The following SYT1 variants were observed in gnomAD, a reference collection of about 807,000 sequenced individuals.
SYT1 encodes synaptotagmin 1, also known as synaptotagmin-1.
Under a neutral mutation model 44.8 loss-of-function variants are expected in SYT1, and 8 were observed. The observed-to-expected ratio is 0.18, with a 90% CI of 0.10 to 0.32. The LOEUF is 0.32. SYT1 is among the 10% of genes least tolerant of loss of function. SYT1 has a pLI of 1.00. For missense variants in SYT1, 286 were observed against 509.3 expected, an observed-to-expected ratio of 0.56 and a Z score of 4.22; for synonymous variants, 154 against 188.8, an observed-to-expected ratio of 0.82 and a Z score of 1.51.
intron 3 of SYT1, among the ~76,000 whole-genome samples, chr12:79,110,425 G>A (rs561858510): frequency 6.6e-6 from 1 of 152,080 alleles, no homozygotes; most frequent in African/African-American, 2.4e-5. Context: ...GGGACTTTAT[G>A]GGGTTTTCAT....
intron 8 of SYT1, among the ~76,000 whole-genome samples, chr12:79,308,649 AAAG>A (rs1565901632): frequency 1.9e-3 from 265 of 135,990 alleles, no homozygotes; most frequent in South Asian, 2.9e-3. Flanking sequence ...AGAAAGAAAG[AAAG>A]AAAGAAAAGA....
intron 8 of SYT1, among the ~76,000 whole-genome samples, chr12:79,325,477 ATTTAT>A (rs1252080445): frequency 7.2e-5 from 11 of 152,356 alleles, no homozygotes; most frequent in African/African-American, 2.6e-4. Flanking sequence ...TATATAGAGA[ATTTAT>A]TTTAAGCTTT....
chr12:79,172,985 AAAAAAAAAAAAAAAAAAAAAAG>A (rs1871629083), intron 3 of SYT1, among the ~76,000 whole-genome samples: 1 of 139,792 alleles, frequency 7.2e-6, no homozygotes, highest in South Asian at 2.3e-4. Flanking sequence ...AAAAAAAAAA[AAAAAAAAAAAAAAAAAAAAAAG>A]GGAGTTTGGC....
intron 3 of SYT1, among the ~76,000 whole-genome samples, chr12:79,130,949 A>C (rs1013705394): frequency 4.6e-5 from 7 of 152,162 alleles, no homozygotes; most frequent in Non-Finnish European, 7.3e-5. Context: ...CCAGTTGAGC[A>C]TGAGACAGGG....
At chr12:79,299,277 C>G in intron 7 of SYT1, 107 bp from the exon 8 acceptor site, 1 of 1,248,696 alleles carries the variant, frequency 8.0e-7, no homozygotes. Flanking sequence ...AAATTATCTC[C>G]CTGTTCTGTT....
intron 9 of SYT1, among the ~76,000 whole-genome samples, chr12:79,418,925 AT>A (rs1220652280): frequency 6.6e-6 from 1 of 152,116 alleles, no homozygotes; most frequent in Admixed American, 6.6e-5. Flanking sequence ...AGAACAGCTA[AT>A]TCAGAATTTC....
intron 3 of SYT1, among the ~76,000 whole-genome samples, chr12:79,094,154 G>C (rs1161387811): frequency 1.3e-5 from 2 of 151,570 alleles, no homozygotes; most frequent in African/African-American, 4.8e-5. Flanking sequence ...ATTTAGTTTA[G>C]CAATACTTTA....
At position 79,394,261 on chromosome 12, in the gene SYT1, A is replaced by G. The variant is rs73354786; in HGVS notation, c.928+40642A>G. Among the ~76,000 whole-genome samples, 966 of 152,342 alleles carry G rather than the reference A, an allele frequency of 6.3e-3. 9 individuals are homozygous for G. Among genetic ancestry groups the G allele is most frequent in the African/African-American group, 0.022 (921 of 41,574 alleles). On this transcript the variant is annotated intron_variant, in intron 9 of 10. Coordinates refer to ENST00000261205, the MANE Select transcript of SYT1 (RefSeq NM_005639.3). ...TAGCCGGGTATTAACTTGAATTGCA[A>G]TGGACCAGCAGATATGAAAATGATT... is the stretch of plus-strand genomic sequence containing the variant.
At chr12:79,293,272 C>T (rs1226095512) in intron 6 of SYT1, among the ~76,000 whole-genome samples, 2 of 150,220 alleles carry the variant, frequency 1.3e-5, no homozygotes, top group Non-Finnish European at 1.5e-5. Context: ...TGCAGTGAGC[C>T]GAGATCGTGC....
chr12:79,200,251 G>A (rs961105529), intron 3 of SYT1, among the ~76,000 whole-genome samples: 1 of 152,122 alleles, frequency 6.6e-6, no homozygotes, highest in Non-Finnish European at 1.5e-5. Context: ...CAACCCAGAA[G>A]TGCTTGGAAG....
intron 3 of SYT1, among the ~76,000 whole-genome samples, chr12:79,103,232 A>G (rs1201379070): frequency 6.6e-6 from 1 of 152,204 alleles, no homozygotes; most frequent in African/African-American, 2.4e-5. Context: ...TGAATATTCA[A>G]ATAAGAAAAT....
chr12:79,410,200 A>C (rs1191461218), intron 9 of SYT1, among the ~76,000 whole-genome samples: 1 of 152,196 alleles, frequency 6.6e-6, no homozygotes, highest in African/African-American at 2.4e-5. Context: ...AAAAGAGAAT[A>C]ATAGGCTGAT....
intron 3 of SYT1, among the ~76,000 whole-genome samples, chr12:79,082,962 C>A (rs1877135902): frequency 6.7e-6 from 1 of 149,054 alleles, no homozygotes; most frequent in African/African-American, 2.5e-5. Context: ...ATAAAATAAG[C>A]AATAAAAGAA....
At chr12:78,930,012 G>T (rs150461820) in intron 1 of SYT1, among the ~76,000 whole-genome samples, 39 of 152,168 alleles carry the variant, frequency 2.6e-4, no homozygotes, top group African/African-American at 8.9e-4. Flanking sequence ...AGGACAGAGG[G>T]GAGGAAGAGT....
At chr12:78,978,301 G>A (rs953013097) in intron 2 of SYT1, among the ~76,000 whole-genome samples, 1 of 152,112 alleles carries the variant, frequency 6.6e-6, no homozygotes, top group Non-Finnish European at 1.5e-5. Context: ...AATATGCCAT[G>A]GCATCTGCCT....
intron 8 of SYT1, among the ~76,000 whole-genome samples, chr12:79,313,534 T>C (rs1267994856): frequency 6.6e-6 from 1 of 151,862 alleles, no homozygotes; most frequent in Admixed American, 6.6e-5. Context: ...TAACCTTAAA[T>C]TGCATTCTAT....
chr12:78,869,706 T>C (rs908060180), intron 1 of SYT1, among the ~76,000 whole-genome samples: 15 of 152,070 alleles, frequency 9.9e-5, no homozygotes, highest in African/African-American at 3.6e-4. Context: ...AAATGAATTT[T>C]CTAGCATGTC....
At chr12:79,224,755 TTATTA>T (rs1875402621) in intron 4 of SYT1, among the ~76,000 whole-genome samples, 2 of 6,194 alleles carry the variant, frequency 3.2e-4, no homozygotes, top group African/African-American at 4.2e-3. Context: ...TTATTTTTTA[TTATTA>T]TTATTATTAT....
chr12:79,122,968 AATG>A (rs1868303806), intron 3 of SYT1, among the ~76,000 whole-genome samples: 1 of 152,206 alleles, frequency 6.6e-6, no homozygotes, highest in Non-Finnish European at 1.5e-5. Flanking sequence ...GAAAATGAAG[AATG>A]ATAATGAGAA....
Sources: allele counts gnomAD v4.1 joint callset (sites outside exome capture counted in the v4.1 genomes callset), GRCh38; gene constraint gnomAD v4.1.1; transcripts MANE v1.5; gene names NCBI Gene and HGNC (gene_info 2026-07-23, HGNC 2026-07-21).